The following ELOVL2 variants were observed in gnomAD, a reference collection of about 807,000 sequenced individuals.
ELOVL2 encodes ELOVL fatty acid elongase 2, also known as very long chain fatty acid elongase 2.
In ELOVL2, 38 loss-of-function variants were observed where a neutral mutation model predicts 37.7. The ratio of observed to expected loss-of-function variants is 1.01; its 90% confidence interval spans 0.78 to 1.32. The LOEUF (loss-of-function observed/expected upper bound fraction) is 1.32, where lower values mean the gene tolerates loss of function less well. ELOVL2 is among the 40% of genes most tolerant of loss of function. The pLI is 0.00. For synonymous variants in ELOVL2, 115 were observed against 122.3 expected, an observed-to-expected ratio of 0.94 and a Z score of 0.40; for missense variants, 352 against 363.6, an observed-to-expected ratio of 0.97 and a Z score of 0.26.
intron 1 of ELOVL2, among the ~76,000 whole-genome samples, chr6:11,016,912 A>G (rs978781737): frequency 6.6e-6 from 1 of 151,750 alleles, no homozygotes; most frequent in Non-Finnish European, 1.5e-5. Context: ...TTTTACACTG[A>G]CACCCCTAAA....
At chr6:11,012,111 G>A (rs1344719517) in intron 1 of ELOVL2, among the ~76,000 whole-genome samples, 1 of 152,172 alleles carries the variant, frequency 6.6e-6, no homozygotes, top group Non-Finnish European at 1.5e-5. Context: ...TTGTGACTCT[G>A]ATCCTGAGAG....
intron 1 of ELOVL2, among the ~76,000 whole-genome samples, chr6:11,040,949 C>G (rs867971404): frequency 5.3e-5 from 8 of 152,300 alleles, no homozygotes; most frequent in African/African-American, 1.7e-4. Context: ...AAGTTATGCT[C>G]TCCAATTATT....
intron 5 of ELOVL2, among the ~76,000 whole-genome samples, chr6:10,991,824 GTTGC>G (rs1430423868): frequency 6.6e-6 from 1 of 152,110 alleles, no homozygotes; most frequent in Non-Finnish European, 1.5e-5. Flanking sequence ...ATGAGTAGTT[GTTGC>G]TTATGTTTGA....
chr6:11,026,670 C>T (rs547834500), intron 1 of ELOVL2, among the ~76,000 whole-genome samples: 24 of 152,172 alleles, frequency 1.6e-4, no homozygotes, highest in African/African-American at 5.5e-4. Context: ...TTGTCTTTTT[C>T]CATTTGTCTT....
intron 4 of ELOVL2, among the ~76,000 whole-genome samples, chr6:10,997,293 T>C (rs1782287349): frequency 6.6e-6 from 1 of 152,210 alleles, no homozygotes. Context: ...TATAAATCCT[T>C]CTGATAGGGA....
In ELOVL2 at chr6:10,989,751, TGACTG is replaced by T; in HGVS notation, c.712_716del (p.Gln238IlefsTer82). 1 of 1,613,962 alleles carries T rather than the reference TGACTG, an allele frequency of 6.2e-7. No homozygotes were observed. The highest frequency in any genetic ancestry group is 8.5e-7 in the Non-Finnish European group (1 of 1,179,934). ...GGATGACTAACGTTAGCATATAAGA[TGACTG>T]GAAGATGAGACAACCGAAGGGGAAG... On this transcript the variant is annotated frameshift_variant, in exon 7 of 8. Transcript: ENST00000354666. LOFTEE classifies it low-confidence loss of function (END_TRUNC).
intron 1 of ELOVL2, among the ~76,000 whole-genome samples, chr6:11,027,671 A>T (rs535095060): frequency 1.1e-3 from 168 of 151,966 alleles, no homozygotes; most frequent in African/African-American, 3.7e-3. Flanking sequence ...TAGAGGTATT[A>T]ATTCACCCCC....
At chr6:11,001,021 T>C (rs1301688154) in intron 3 of ELOVL2, among the ~76,000 whole-genome samples, 1 of 152,198 alleles carries the variant, frequency 6.6e-6, no homozygotes, top group African/African-American at 2.4e-5. Context: ...TATAAGGCAT[T>C]TGGGATTGAT....
Position 10,982,402 on chromosome 6 carries a change from T to G in ELOVL2, c.*1379A>C, listed in dbSNP as rs901243666. The G allele has an allele frequency of 3.9e-5, 6 of 152,138 alleles. No homozygotes were observed. The highest frequency in any genetic ancestry group is 8.8e-5 in the Non-Finnish European group (6 of 68,030). The allele number at this position is 152,138 out of a possible 1,614,324, so 9.4% of individuals were successfully genotyped here. A position where few individuals can be genotyped will look rare whatever the true frequency, so the allele number is the denominator to read the frequency against. On this transcript the variant is annotated 3_prime_UTR_variant, in exon 8 of 8. Coordinates refer to ENST00000354666, the MANE Select transcript of ELOVL2 (RefSeq NM_017770.4). ...ATGTCAGTGTCAGGACCTAAAAACT[T>G]ATTTAAAAAAATAAGGCAGGAGAGA...
chr6:10,987,732 A>G (rs1782076799), intron 7 of ELOVL2, among the ~76,000 whole-genome samples: 1 of 152,224 alleles, frequency 6.6e-6, no homozygotes, highest in South Asian at 2.1e-4. Context: ...ATTCTGCATT[A>G]GTTGCTCACT....
At chr6:11,013,155 C>A (rs539078193) in intron 1 of ELOVL2, among the ~76,000 whole-genome samples, 1 of 152,280 alleles carries the variant, frequency 6.6e-6, no homozygotes, top group East Asian at 1.9e-4. Context: ...TCTCTAGTGA[C>A]CTATCTGACA....
chr6:11,001,683 G>A lies in ELOVL2; in HGVS notation c.256-1519C>T, dbSNP rs532316004. 3.9e-5 allele frequency among the ~76,000 whole-genome samples: 6 copies of A among 152,224 alleles called. No homozygotes were observed. In the South Asian group the frequency reaches 1.2e-3, roughly 32 times the overall value. On this transcript the variant is annotated intron_variant, in intron 3 of 7. Transcript: ENST00000354666. ...TTTCCTGCTTTAGTTAGATTTATCC[G>A]GGCTGTCCCCATTCCTGTGGCATCT...
intron 5 of ELOVL2, among the ~76,000 whole-genome samples, chr6:10,993,781 G>A (rs1466682293): frequency 4.0e-5 from 6 of 151,384 alleles, no homozygotes; most frequent in African/African-American, 7.3e-5. Context: ...TCTGCCTCCC[G>A]GGCTCAAGCC....
chr6:11,021,896 T>C (rs1338961922), intron 1 of ELOVL2, among the ~76,000 whole-genome samples: 1 of 152,114 alleles, frequency 6.6e-6, no homozygotes, highest in Non-Finnish European at 1.5e-5. Context: ...GAGCTACGCT[T>C]GAGAGGGAGC....
intron 1 of ELOVL2, among the ~76,000 whole-genome samples, chr6:11,027,089 G>A (rs1206750196): frequency 6.6e-6 from 1 of 152,158 alleles, no homozygotes; most frequent in East Asian, 1.9e-4. Flanking sequence ...ACCAACAAGA[G>A]ATTTATATCT....
At chr6:11,019,756 G>GT (rs1405832595) in intron 1 of ELOVL2, among the ~76,000 whole-genome samples, 5 of 149,836 alleles carry the variant, frequency 3.3e-5, no homozygotes, top group East Asian at 2.0e-4. Context: ...GTTGTTGTTT[G>GT]TTTTTTTGAT....
intron 2 of ELOVL2, among the ~76,000 whole-genome samples, chr6:11,010,332 T>C (rs1366038583): frequency 6.6e-6 from 1 of 152,022 alleles, no homozygotes; most frequent in Non-Finnish European, 1.5e-5. Flanking sequence ...AGCGCACACA[T>C]CTTTAAAGGG....
At chr6:11,009,447 C>T (rs1273990531) in intron 2 of ELOVL2, among the ~76,000 whole-genome samples, 1 of 152,078 alleles carries the variant, frequency 6.6e-6, no homozygotes, top group East Asian at 1.9e-4. Context: ...CATGGTTGAC[C>T]ACGGGTAACT....
chr6:10,994,928 T>C, intron 5 of ELOVL2, 79 bp downstream of exon 5: 1 of 1,175,716 alleles, frequency 8.5e-7, no homozygotes, highest in Non-Finnish European at 1.2e-6. Context: ...CTGATCTGCA[T>C]GCGATGCTTA....
Sources: gnomAD v4.1 joint callset for allele counts (sites outside exome capture counted in the v4.1 genomes callset) on GRCh38, gnomAD v4.1.1 for gene constraint, MANE v1.5 for transcripts, NCBI Gene and HGNC (gene_info 2026-07-23, HGNC 2026-07-21) for gene names.